Variants in DENND1A observed in about 807,000 individuals in gnomAD.
DENND1A encodes DENN domain containing 1A, also known as DENN domain-containing protein 1A.
Under a neutral mutation model 113.7 loss-of-function variants are expected in DENND1A, and 51 were observed. The observed-to-expected ratio is 0.45, with a 90% CI of 0.36 to 0.57. DENND1A has a LOEUF of 0.57. DENND1A is among the 20% of genes least tolerant of loss of function. The pLI is 0.00. For missense variants in DENND1A, 1,258 were observed against 1,395.9 expected, an observed-to-expected ratio of 0.90 and a Z score of 1.57; for synonymous variants, 565 against 570.8, an observed-to-expected ratio of 0.99 and a Z score of 0.14.
intron 5 of DENND1A, among the ~76,000 whole-genome samples, chr9:123,755,160 T>C (rs1441664777): frequency 6.7e-6 from 1 of 150,360 alleles, no homozygotes; most frequent in Admixed American, 6.6e-5. Flanking sequence ...TCTTGCTCTG[T>C]CGCCCAGACT....
rs557111382 is a variant in DENND1A at position 123,714,935 on chromosome 9, A to G, written c.303-38146T>C. ...AGTGGCTCATGCCTGTAATCCCAGCACTTTGGGAGGCTGAGGCAGGCAAAT... is the reference window on the plus strand; with the variant it reads ...AGTGGCTCATGCCTGTAATCCCAGCGCTTTGGGAGGCTGAGGCAGGCAAAT... On this transcript the variant is annotated intron_variant, in intron 5 of 23. Coordinates refer to ENST00000394215, the MANE Select transcript of DENND1A (RefSeq NM_001352964.2). Among the ~76,000 whole-genome samples the G allele has an allele frequency of 1.6e-4, 24 of 152,204 alleles. 2 individuals carry two copies. In the South Asian group the frequency reaches 4.8e-3, roughly 30 times the overall value.
intron 18 of DENND1A, among the ~76,000 whole-genome samples, chr9:123,445,082 A>G (rs1216743490): frequency 6.6e-6 from 1 of 152,224 alleles, no homozygotes; most frequent in East Asian, 1.9e-4. Context: ...GTTTACTGGA[A>G]TCAGAAGCCA....
chr9:123,805,804 ACTGT>A (rs1473940875), intron 2 of DENND1A, among the ~76,000 whole-genome samples: 1 of 152,182 alleles, frequency 6.6e-6, no homozygotes, highest in African/African-American at 2.4e-5. Flanking sequence ...CAAAGATGTC[ACTGT>A]CTTAGCCACC....
intron 13 of DENND1A, among the ~76,000 whole-genome samples, chr9:123,516,309 T>C (rs2053907982): frequency 6.6e-6 from 1 of 152,038 alleles, no homozygotes; most frequent in Non-Finnish European, 1.5e-5. Flanking sequence ...TCCAGAAAGA[T>C]GTATTTGTTA....
intron 12 of DENND1A, among the ~76,000 whole-genome samples, chr9:123,578,731 G>C (rs1021482981): frequency 5.3e-5 from 8 of 152,160 alleles, no homozygotes; most frequent in African/African-American, 1.9e-4. Flanking sequence ...CAAGTAAAAG[G>C]GAAATGGGCA....
At position 123,702,133 on chromosome 9, in the gene DENND1A, G is replaced by A. The variant is rs535336381; in HGVS notation, c.303-25344C>T. ...TAATTTTTAAAAACATTTTTCAGGA[G>A]TTGAAAAATACAAAAATAAATAAAT... On this transcript the variant is annotated intron_variant, in intron 5 of 23. Coordinates refer to ENST00000394215, the MANE Select transcript of DENND1A (RefSeq NM_001352964.2). Among the ~76,000 whole-genome samples, 336 of 152,098 alleles carry A rather than the reference G, an allele frequency of 2.2e-3. 2 individuals are homozygous for A. Among genetic ancestry groups the A allele is most frequent in the African/African-American group, 7.5e-3 (312 of 41,488 alleles).
chr9:123,888,164 G>T (rs576614737), intron 1 of DENND1A, among the ~76,000 whole-genome samples: 2 of 152,124 alleles, frequency 1.3e-5, no homozygotes, highest in African/African-American at 2.4e-5. Context: ...CGTGCTAGAT[G>T]AACTTGGAAC....
intron 2 of DENND1A, among the ~76,000 whole-genome samples, chr9:123,816,221 C>T (rs898093980): frequency 6.6e-6 from 1 of 151,974 alleles, no homozygotes; most frequent in Non-Finnish European, 1.5e-5. Context: ...AGGCTGGTCT[C>T]GAACTCCTGG....
intron 5 of DENND1A, among the ~76,000 whole-genome samples, chr9:123,756,555 G>A (rs1320978596): frequency 6.6e-6 from 1 of 152,170 alleles, no homozygotes; most frequent in Admixed American, 6.5e-5. Context: ...ATCCTCCTGT[G>A]CCCAGGTTAC....
At chr9:123,691,404 G>C (rs1230773266) in intron 5 of DENND1A, among the ~76,000 whole-genome samples, 1 of 152,190 alleles carries the variant, frequency 6.6e-6, no homozygotes, top group Non-Finnish European at 1.5e-5. Context: ...AAGTGAGGAA[G>C]GCGAACTGGA....
At chr9:123,449,691 C>G (rs1252737943) in intron 18 of DENND1A, among the ~76,000 whole-genome samples, 1 of 152,188 alleles carries the variant, frequency 6.6e-6, no homozygotes, top group Admixed American at 6.5e-5. Context: ...ATGGCACTTG[C>G]AGCAGCCTGG....
At chr9:123,477,768 T>A (rs1295240143) in intron 13 of DENND1A, among the ~76,000 whole-genome samples, 1 of 151,836 alleles carries the variant, frequency 6.6e-6, no homozygotes, top group African/African-American at 2.4e-5. Flanking sequence ...AAAAAAAGAT[T>A]AAATGAACAC....
At chr9:123,721,868 C>G (rs2067366799) in intron 5 of DENND1A, among the ~76,000 whole-genome samples, 1 of 152,152 alleles carries the variant, frequency 6.6e-6, no homozygotes, top group Non-Finnish European at 1.5e-5. Context: ...AGTGTGAAAA[C>G]AGACTAATAC....
intron 13 of DENND1A, among the ~76,000 whole-genome samples, chr9:123,556,893 G>T (rs1017525926): frequency 2.6e-5 from 4 of 152,234 alleles, no homozygotes; most frequent in African/African-American, 9.6e-5. Flanking sequence ...TTTCAGAGAA[G>T]ACCTGCTGTC....
Position 123,380,804 on chromosome 9 carries a change from T to A in DENND1A, c.*628A>T, listed in dbSNP as rs1214563545. The A allele has an allele frequency of 1.3e-5, 2 of 152,768 alleles. No homozygotes were observed. Among genetic ancestry groups the A allele is most frequent in the African/African-American group, 2.4e-5 (1 of 41,434 alleles). 9.5% of individuals were successfully genotyped at this position (152,768 alleles called of 1,614,324 possible). The stretch of plus-strand genomic sequence containing the variant: ...CACAAGGCAGCCCAAGACCCCCTGG[T>A]CCCCAGATCCTCCCAGGTCAGAATC... On this transcript the variant is annotated 3_prime_UTR_variant, in exon 24 of 24. Coordinates refer to ENST00000394215, the MANE Select transcript of DENND1A (RefSeq NM_001352964.2).
intron 13 of DENND1A, among the ~76,000 whole-genome samples, chr9:123,511,855 A>T (rs1355491507): frequency 3.9e-5 from 6 of 152,170 alleles, no homozygotes; most frequent in African/African-American, 1.4e-4. Context: ...GGTTGCAGGG[A>T]TTGTCTGTGG....
In DENND1A at chr9:123,595,626, C is replaced by T. The variant is rs573757639; in HGVS notation, c.766-12356G>A. On this transcript the variant is annotated intron_variant, in intron 11 of 23. Transcript: ENST00000394215. ...AAAGTCTCCAGGCTGGGGTCCTGGC[C>T]TTTTCACTTACCAGCTAGGCAGCTT... Among the ~76,000 whole-genome samples the T allele has an allele frequency of 7.2e-5, 11 of 152,266 alleles. 1 individual carries two copies. In the South Asian group the frequency reaches 2.3e-3, roughly 32 times the overall value.
chr9:123,915,564 A>C (rs1854936171), intron 1 of DENND1A, among the ~76,000 whole-genome samples: 1 of 152,198 alleles, frequency 6.6e-6, no homozygotes, highest in African/African-American at 2.4e-5. Flanking sequence ...ATAAAAATTA[A>C]AGTAACACAA....
chr9:123,862,944 C>T (rs1845262579), intron 2 of DENND1A, among the ~76,000 whole-genome samples: 1 of 152,226 alleles, frequency 6.6e-6, no homozygotes, highest in South Asian at 2.1e-4. Context: ...TGTACCTCAA[C>T]TGCAAATACA....
Sources: gnomAD v4.1 joint callset for allele counts (sites outside exome capture counted in the v4.1 genomes callset) on GRCh38, gnomAD v4.1.1 for gene constraint, MANE v1.5 for transcripts, NCBI Gene and HGNC (gene_info 2026-07-23, HGNC 2026-07-21) for gene names.